The following RAB28 variants were observed in gnomAD, a reference collection of about 807,000 sequenced individuals.
The protein encoded by RAB28 is RAB28, member RAS oncogene family.
RAB28 carries 24 observed loss-of-function variants against 31.7 expected under a neutral mutation model. The observed-to-expected ratio is 0.76, with a 90% CI of 0.55 to 1.06. The LOEUF is 1.06. Ranked by LOEUF, RAB28 falls within the 50% of genes least tolerant of loss-of-function variation. The pLI is 0.00. For missense variants in RAB28, 254 were observed against 258.5 expected (o/e 0.98, Z 0.12); for synonymous variants, 100 against 90.4 (o/e 1.11, Z -0.60).
At chr4:13,388,350 C>T (rs1249476404) in intron 4 of RAB28, among the ~76,000 whole-genome samples, 2 of 151,936 alleles carry the variant, frequency 1.3e-5, no homozygotes, top group Non-Finnish European at 2.9e-5. Context: ...TTATCTTACA[C>T]CACACACAAA....
chr4:13,382,219 T>C (rs182528867), intron 4 of RAB28, among the ~76,000 whole-genome samples: 1 of 152,324 alleles, frequency 6.6e-6, no homozygotes, highest in East Asian at 1.9e-4. Context: ...TAAATAGTTG[T>C]AGGTGCTTTA....
chr4:13,406,812 T>C (rs957985090), intron 4 of RAB28, among the ~76,000 whole-genome samples: 1 of 152,230 alleles, frequency 6.6e-6, no homozygotes, highest in Admixed American at 6.5e-5. Context: ...TTGAGAAGTG[T>C]CTGTTTATAT....
At chr4:13,369,803 G>T in intron 6 of RAB28, 1 of 1,404,492 alleles carries the variant, frequency 7.1e-7, no homozygotes. Context: ...AGGGAATAAA[G>T]AACAAGATAG....
intron 4 of RAB28, among the ~76,000 whole-genome samples, chr4:13,403,353 C>G (rs928847252): frequency 1.3e-5 from 2 of 152,166 alleles, no homozygotes; most frequent in Non-Finnish European, 2.9e-5. Flanking sequence ...AGTTTGCTGA[C>G]TTGTGTCTAT....
chr4:13,463,889 TA>T (rs370518006), intron 3 of RAB28, among the ~76,000 whole-genome samples: 2 of 150,844 alleles, frequency 1.3e-5, no homozygotes, highest in East Asian at 1.9e-4. Flanking sequence ...CTCTGACATG[TA>T]AAAAAAAACC....
intron 4 of RAB28, among the ~76,000 whole-genome samples, chr4:13,418,734 C>G (rs1712943820): frequency 6.6e-6 from 1 of 152,176 alleles, no homozygotes; most frequent in South Asian, 2.1e-4. Context: ...GCCTCCCTTA[C>G]AAGAGCTCCT....
rs1443299841 is a variant in RAB28 at position 13,367,914 on chromosome 4, C to T, written c.*644G>A. On this transcript the variant is annotated 3_prime_UTR_variant, in exon 7 of 7. Coordinates refer to ENST00000330852, the MANE Select transcript of RAB28 (RefSeq NM_001017979.3). Reference sequence around the variant, plus strand: ...CTGAGTATTACACAATACATAACGACAACGATACAGTAATAAAAATACAAT... The same window carrying T: ...CTGAGTATTACACAATACATAACGATAACGATACAGTAATAAAAATACAAT... 3.1e-6 allele frequency: 3 copies of T among 982,318 alleles called. No individual in the cohort carries two copies. Among genetic ancestry groups the T allele is most frequent in the East Asian group, 1.1e-4 (1 of 8,796 alleles). The allele number at this position is 982,318 out of a possible 1,614,324, so 60.9% of individuals were successfully genotyped here.
chr4:13,394,895 A>C (rs1448808563), intron 4 of RAB28, among the ~76,000 whole-genome samples: 1 of 152,204 alleles, frequency 6.6e-6, no homozygotes, highest in African/African-American at 2.4e-5. Flanking sequence ...ACTCTGTTTA[A>C]ACATTTACAA....
chr4:13,378,082 G>T (rs1370119298), intron 5 of RAB28, among the ~76,000 whole-genome samples: 1 of 152,132 alleles, frequency 6.6e-6, no homozygotes, highest in African/African-American at 2.4e-5. Context: ...ACAGTTCAGG[G>T]GAAAAGTCTG....
At chr4:13,468,953 A>G (rs1442739717) in intron 3 of RAB28, among the ~76,000 whole-genome samples, 1 of 152,006 alleles carries the variant, frequency 6.6e-6, no homozygotes, top group Non-Finnish European at 1.5e-5. Flanking sequence ...CACAAATTTG[A>G]CAATATAAAT....
At chr4:13,372,430 C>T (rs1728752541) in intron 6 of RAB28, among the ~76,000 whole-genome samples, 1 of 152,228 alleles carries the variant, frequency 6.6e-6, no homozygotes, top group Non-Finnish European at 1.5e-5. Context: ...TGTCTTCTGT[C>T]TTCGCAATTT....
At chr4:13,438,486 T>C (rs1184072081) in intron 4 of RAB28, among the ~76,000 whole-genome samples, 1 of 152,170 alleles carries the variant, frequency 6.6e-6, no homozygotes, top group Non-Finnish European at 1.5e-5. Context: ...TTTATGGATT[T>C]ACTTATTTTG....
intron 6 of RAB28, among the ~76,000 whole-genome samples, chr4:13,372,088 C>G (rs2108873949): frequency 6.6e-6 from 1 of 152,178 alleles, no homozygotes; most frequent in African/African-American, 2.4e-5. Context: ...ACCCTGAAGG[C>G]TAAAACATCT....
chr4:13,413,857 T>C (rs1277397939), intron 4 of RAB28, among the ~76,000 whole-genome samples: 1 of 152,204 alleles, frequency 6.6e-6, no homozygotes, highest in African/African-American at 2.4e-5. Context: ...CATAAGTCTA[T>C]TCCAAAATAT....
chr4:13,462,152 A>G (rs765834496), intron 3 of RAB28, among the ~76,000 whole-genome samples: 1 of 152,216 alleles, frequency 6.6e-6, no homozygotes, highest in Non-Finnish European at 1.5e-5. Flanking sequence ...CACAGTAGTC[A>G]TAACTAGTGA....
chr4:13,379,331 G>T (rs371458293), intron 5 of RAB28, among the ~76,000 whole-genome samples: 4 of 151,604 alleles, frequency 2.6e-5, no homozygotes, highest in East Asian at 3.9e-4. Context: ...AACTTAAAGT[G>T]AAAACTCCAG....
At chr4:13,444,667 C>CT (rs1414161999) in intron 4 of RAB28, among the ~76,000 whole-genome samples, 1 of 152,184 alleles carries the variant, frequency 6.6e-6, no homozygotes. Flanking sequence ...CAATACTTAC[C>CT]TTTTGTCTTT....
At chr4:13,394,273 G>A (rs9998670) in intron 4 of RAB28, among the ~76,000 whole-genome samples, 7,796 of 152,150 alleles carry the variant, frequency 0.051, 389 homozygotes, top group African/African-American at 0.13. Flanking sequence ...CCACAGATGG[G>A]GTAGTAGGGG....
At chr4:13,399,047 C>T (rs1433064608) in intron 4 of RAB28, among the ~76,000 whole-genome samples, 1 of 152,014 alleles carries the variant, frequency 6.6e-6, no homozygotes, top group African/African-American at 2.4e-5. Flanking sequence ...TTAATCCTCA[C>T]TAAAAACATC....
Sources: allele counts gnomAD v4.1 joint callset (sites outside exome capture counted in the v4.1 genomes callset), GRCh38; gene constraint gnomAD v4.1.1; transcripts MANE v1.5; gene names NCBI Gene and HGNC (gene_info 2026-07-23, HGNC 2026-07-21).